The following PRDM16 variants were observed in gnomAD, a reference collection of about 807,000 sequenced individuals.
PRDM16 encodes the protein PR/SET domain 16, also known as histone-lysine N-methyltransferase PRDM16.
PRDM16 carries 23 observed loss-of-function variants against 110.6 expected under a neutral mutation model. The ratio of observed to expected loss-of-function variants is 0.21; its 90% CI spans 0.15 to 0.29. The LOEUF (loss-of-function observed/expected upper bound fraction) is 0.29, where lower values mean the gene tolerates loss of function less well. Ranked by LOEUF, PRDM16 falls within the 10% of genes least tolerant of loss-of-function variation. The pLI, the probability that PRDM16 is intolerant of heterozygous loss-of-function variation, is 1.00. For synonymous variants in PRDM16, 799 were observed against 781.8 expected (o/e 1.02, Z -0.37); for missense variants, 1,615 against 1,794.3 (o/e 0.90, Z 1.81).
At chr1:3,126,127 T>C (rs1643199853) in intron 1 of PRDM16, among the ~76,000 whole-genome samples, 1 of 152,142 alleles carries the variant, frequency 6.6e-6, no homozygotes, top group African/African-American at 2.4e-5. Flanking sequence ...AACCGAACTG[T>C]CTCAATAAAC....
intron 2 of PRDM16, among the ~76,000 whole-genome samples, chr1:3,241,003 G>A (rs1278795882): frequency 6.6e-6 from 1 of 152,254 alleles, no homozygotes; most frequent in Non-Finnish European, 1.5e-5. Flanking sequence ...GGAGCCAGCG[G>A]CGCGTGTGCT....
chr1:3,394,012 G>T (rs1372016465), intron 4 of PRDM16, among the ~76,000 whole-genome samples: 1 of 152,166 alleles, frequency 6.6e-6, no homozygotes, highest in African/African-American at 2.4e-5. Flanking sequence ...CGGCGGCGGC[G>T]GCTCCAGGGC....
At chr1:3,233,538 T>C (rs1381888300) in intron 2 of PRDM16, among the ~76,000 whole-genome samples, 1 of 152,168 alleles carries the variant, frequency 6.6e-6, no homozygotes, top group Admixed American at 6.5e-5. Flanking sequence ...CTTTGGAAGA[T>C]GGAAAACCAT....
At chr1:3,342,844 C>G (rs940558202) in intron 3 of PRDM16, among the ~76,000 whole-genome samples, 11 of 152,170 alleles carry the variant, frequency 7.2e-5, no homozygotes, top group African/African-American at 2.7e-4. Context: ...TTCTGTATGG[C>G]AGTAGCATGC....
At chr1:3,197,843 G>A (rs1020475973) in intron 2 of PRDM16, among the ~76,000 whole-genome samples, 2 of 152,120 alleles carry the variant, frequency 1.3e-5, no homozygotes, top group Non-Finnish European at 2.9e-5. Flanking sequence ...GTCTCCCTGG[G>A]TCAGGGACGA....
chr1:3,221,136 G>T (rs1487167998), intron 2 of PRDM16, among the ~76,000 whole-genome samples: 2 of 152,194 alleles, frequency 1.3e-5, no homozygotes, highest in Non-Finnish European at 2.9e-5. Flanking sequence ...GCCTTGGGAC[G>T]TGTGCAACCT....
At chr1:3,322,197 G>GTGTGCACGTGTGTGTGTGAGCA (rs1401958469) in intron 3 of PRDM16, among the ~76,000 whole-genome samples, 2 of 150,954 alleles carry the variant, frequency 1.3e-5, no homozygotes, top group African/African-American at 2.5e-5. Context: ...GTGAGAGTGG[G>GTGTGCACGTGTGTGTGTGAGCA]TGTGCACGTG....
intron 2 of PRDM16, among the ~76,000 whole-genome samples, chr1:3,196,717 C>T (rs1207837528): frequency 6.6e-6 from 1 of 152,228 alleles, no homozygotes; most frequent in East Asian, 1.9e-4. Flanking sequence ...AGTCTGCATT[C>T]TGAGAAGCGA....
chr1:3,229,163 G>A (rs1198171927), intron 2 of PRDM16, among the ~76,000 whole-genome samples: 10 of 152,308 alleles, frequency 6.6e-5, no homozygotes, highest in African/African-American at 2.4e-4. Flanking sequence ...CCAGGGAGGA[G>A]CCCAGGGTCA....
At chr1:3,093,086 C>A (rs1642313866) in intron 1 of PRDM16, among the ~76,000 whole-genome samples, 2 of 152,332 alleles carry the variant, frequency 1.3e-5, no homozygotes, top group East Asian at 1.9e-4. Flanking sequence ...CTTCCCTGAG[C>A]TGACCGCTTC....
chr1:3,411,384 G>A lies in PRDM16; in HGVS notation c.1187G>A (p.Cys396Tyr). ...HIHSTVKPFI[C>Y]EVCHKSYTQF... ...GTCTTGGCTTCTGCTGATGTTTTAG[G>A]TGAGGTCTGCCACAAGTCCTACACG... Residue 396 changes from cysteine to tyrosine, a missense_variant and splice_region_variant, in exon 9 of 17, where the codon TGT becomes TAT. Physicochemically the swap from Cys to Tyr is radical, Grantham distance 194. Around this residue, in one of 5 missense-constraint regions of PRDM16, gnomAD observed 82 missense variants for 144.4 expected, o/e 0.57. Coordinates refer to ENST00000270722, the MANE Select transcript of PRDM16 (RefSeq NM_022114.4). 6.3e-7 allele frequency: 1 copy of A among 1,597,898 alleles called. No individual in the cohort carries two copies. Among genetic ancestry groups the A allele is most frequent in the Non-Finnish European group, 8.6e-7 (1 of 1,166,546 alleles).
At position 3,411,780 on chromosome 1, in the gene PRDM16, T is replaced by C; in HGVS notation, c.1583T>C (p.Leu528Pro). The change falls in exon 9 of 17, where the codon CTG (leucine) becomes CCG (proline). Residue 528 changes from leucine (L) to proline (P), a missense_variant. Physicochemically the swap from Leu to Pro is moderately conservative, Grantham distance 98. Coordinates refer to ENST00000270722, the MANE Select transcript of PRDM16 (RefSeq NM_022114.4). Reference sequence around the variant, plus strand: ...CCATCCTTGTACCCCCGGCCGCCTCTGCTACCTCCCACATCGCTGCTCAAG... The same window carrying C: ...CCATCCTTGTACCCCCGGCCGCCTCCGCTACCTCCCACATCGCTGCTCAAG... Reference protein sequence around the residue: ...FPPSLYPRPPLLPPTSLLKSP... With the variant: ...FPPSLYPRPPPLPPTSLLKSP... 1 of 1,611,940 alleles carries C rather than the reference T, an allele frequency of 6.2e-7. No homozygotes were observed. The highest frequency in any genetic ancestry group is 2.2e-5 in the East Asian group (1 of 44,838).
At chr1:3,147,653 G>A (rs954553266) in intron 1 of PRDM16, among the ~76,000 whole-genome samples, 5 of 152,124 alleles carry the variant, frequency 3.3e-5, no homozygotes, top group South Asian at 2.1e-4. Flanking sequence ...GTTCTGCGTC[G>A]CACACAGCAC....
Position 3,114,187 on chromosome 1 carries a change from A to G in PRDM16, c.37+44891A>G, listed in dbSNP as rs139399259. Among the ~76,000 whole-genome samples, 153 of 96,492 alleles carry G rather than the reference A, an allele frequency of 1.6e-3. 2 individuals carry two copies. Among genetic ancestry groups the G allele is most frequent in the East Asian group, 6.5e-3 (15 of 2,320 alleles). 63.3% of individuals were successfully genotyped at this position (96,492 alleles called of 152,430 possible). ...CACGCACACACACGCACACACACGCACACACGCACACGCACGCACACACGC... is the reference window on the plus strand; with the variant it reads ...CACGCACACACACGCACACACACGCGCACACGCACACGCACGCACACACGC... On this transcript the variant is annotated intron_variant, in intron 1 of 16. Transcript: ENST00000270722.
chr1:3,069,379 GGGCGCGGCCGGCGCGC>G lies in PRDM16; in HGVS notation c.37+84_37+99del. 4.4e-6 allele frequency: 2 copies of G among 452,122 alleles called. No homozygotes were observed. Among genetic ancestry groups the G allele is most frequent in the Non-Finnish European group, 5.8e-6 (2 of 347,618 alleles). 28.0% of individuals were successfully genotyped at this position (452,122 alleles called of 1,614,324 possible). On this transcript the variant is annotated intron_variant, in intron 1 of 16. Transcript: ENST00000270722. The surrounding 1 kb of genome is among the most constrained non-coding windows in gnomAD (Gnocchi z 6.1). ...GCGCCCGGGCCAGGGGTGCGCGTCGGGGCGCGGCCGGCGCGCCTGCGGCTCCGGGCCCCCGGCTCGG... is the reference window on the plus strand; with the variant it reads ...GCGCCCGGGCCAGGGGTGCGCGTCGGCTGCGGCTCCGGGCCCCCGGCTCGG...
At chr1:3,433,478 A>C (rs1638823902) in intron 16 of PRDM16, among the ~76,000 whole-genome samples, 199 bp from the exon 17 acceptor site, 1 of 150,580 alleles carries the variant, frequency 6.6e-6, no homozygotes, top group Non-Finnish European at 1.5e-5. Flanking sequence ...TGCCCTGCCC[A>C]TCTGCTGCCT....
intron 3 of PRDM16, among the ~76,000 whole-genome samples, chr1:3,274,406 G>A (rs977681027): frequency 1.3e-5 from 2 of 152,136 alleles, no homozygotes; most frequent in East Asian, 1.9e-4. Flanking sequence ...CTAATGAAAG[G>A]TCTCTGCTTG....
At chr1:3,104,880 TG>T (rs1319884274) in intron 1 of PRDM16, among the ~76,000 whole-genome samples, 1 of 152,126 alleles carries the variant, frequency 6.6e-6, no homozygotes, top group African/African-American at 2.4e-5. Flanking sequence ...GAACGCTCAC[TG>T]AACACATGCA....
chr1:3,071,220 C>T (rs1360604667), intron 1 of PRDM16, among the ~76,000 whole-genome samples: 5 of 152,252 alleles, frequency 3.3e-5, no homozygotes, highest in Admixed American at 3.3e-4. Flanking sequence ...GGCGCACCCG[C>T]GCGGCCCTGG....
Sources: gnomAD v4.1 joint callset for allele counts (sites outside exome capture counted in the v4.1 genomes callset) on GRCh38, gnomAD v4.1.1 for gene constraint, gnomAD v4.1.1 regional missense constraint, Gnocchi (gnomAD v3.1) non-coding constraint, MANE v1.5 for transcripts, NCBI Gene and HGNC (gene_info 2026-07-23, HGNC 2026-07-21) for gene names.